Variants in FGD3 observed in about 807,000 individuals in gnomAD.
FGD3 encodes the protein FYVE, RhoGEF and PH domain-containing protein 3.
Under a neutral mutation model 71.8 loss-of-function variants are expected in FGD3, and 45 were observed. That is an observed-to-expected ratio of 0.63 (90% CI 0.49 to 0.80). The LOEUF is 0.80. Among genes scored for constraint, FGD3 ranks in the 30% least tolerant of loss-of-function variants. The probability of loss-of-function intolerance (pLI) is 0.00; values close to 1 mark genes in which losing one functional copy is unlikely to be tolerated. For synonymous variants in FGD3, 378 were observed against 392.8 expected (o/e 0.96, Z 0.44); for missense variants, 844 against 951.5 (o/e 0.89, Z 1.49).
At chr9:93,013,282 C>T (rs1351284693) in intron 8 of FGD3, among the ~76,000 whole-genome samples, 1 of 152,228 alleles carries the variant, frequency 6.6e-6, no homozygotes, top group East Asian at 1.9e-4. Context: ...GACGGGGCTT[C>T]CAAGGCACAG....
At chr9:92,967,860 A>G (rs1214609661) in intron 1 of FGD3, among the ~76,000 whole-genome samples, 1 of 152,206 alleles carries the variant, frequency 6.6e-6, no homozygotes. Context: ...GGCATGAGCC[A>G]CTGCGCCCGG....
intron 1 of FGD3, among the ~76,000 whole-genome samples, chr9:92,968,813 G>A (rs1489685880): frequency 6.6e-6 from 1 of 152,226 alleles, no homozygotes; most frequent in East Asian, 1.9e-4. Flanking sequence ...TATTCATCAG[G>A]CTGGTCTCGA....
intron 6 of FGD3, 78 bp from the exon 7 acceptor site, chr9:93,010,168 T>C: frequency 1.3e-6 from 2 of 1,510,944 alleles, no homozygotes; most frequent in East Asian, 2.3e-5. Flanking sequence ...TTCCTGGGGC[T>C]GTGGTGGCCA....
rs532521115 is a variant in FGD3 at position 92,947,528 on chromosome 9, T to C, written c.-419T>C. On this transcript the variant is annotated 5_prime_UTR_variant, in exon 1 of 18. Coordinates refer to ENST00000375482, the MANE Select transcript of FGD3 (RefSeq NM_001083536.2). ...CTCAGAACCCCAGGGGCTTCAGTCC[T>C]GGGCTGATTGGCGCGGGAAGCACAG... 1 of 152,434 alleles carries C rather than the reference T, an allele frequency of 6.6e-6. No individual in the cohort carries two copies. Among genetic ancestry groups the C allele is most frequent in the East Asian group, 1.9e-4 (1 of 5,172 alleles). 9.4% of individuals were successfully genotyped at this position (152,434 alleles called of 1,614,324 possible). A position where few individuals can be genotyped will look rare whatever the true frequency, so the allele number is the denominator to read the frequency against.
chr9:92,970,481 G>A (rs1431111217), intron 1 of FGD3, among the ~76,000 whole-genome samples: 1 of 152,184 alleles, frequency 6.6e-6, no homozygotes, highest in Non-Finnish European at 1.5e-5. Flanking sequence ...TCAGGAGAGG[G>A]GGTGGTGACC....
chr9:93,001,341 C>A (rs1860850811), intron 3 of FGD3, among the ~76,000 whole-genome samples: 1 of 152,056 alleles, frequency 6.6e-6, no homozygotes, highest in African/African-American at 2.4e-5. Context: ...TTTGATTGGG[C>A]TACATTTTTC....
At chr9:92,999,589 CTTT>C (rs886295047) in intron 3 of FGD3, among the ~76,000 whole-genome samples, 10 of 131,130 alleles carry the variant, frequency 7.6e-5, no homozygotes, top group Admixed American at 1.6e-4. Flanking sequence ...ATCTTGGAAC[CTTT>C]TTTTTTTTTT....
intron 15 of FGD3, 155 bp from the exon 16 acceptor site, chr9:93,032,614 C>T: frequency 1.4e-6 from 1 of 732,348 alleles, no homozygotes; most frequent in East Asian, 2.6e-5. Flanking sequence ...ACAGGGCTCC[C>T]CTCAAGGAGA....
chr9:92,978,018 C>T (rs545505312), intron 3 of FGD3, among the ~76,000 whole-genome samples: 66 of 152,298 alleles, frequency 4.3e-4, no homozygotes, highest in Non-Finnish European at 7.1e-4. Flanking sequence ...CGCGGTGGCT[C>T]ACGCCTATAA....
intron 14 of FGD3, among the ~76,000 whole-genome samples, chr9:93,022,920 G>A (rs1861979305): frequency 6.6e-6 from 1 of 152,174 alleles, no homozygotes; most frequent in Non-Finnish European, 1.5e-5. Context: ...CAAGGGTGCT[G>A]CTCCGGCCAG....
intron 3 of FGD3, among the ~76,000 whole-genome samples, chr9:92,988,685 AC>A (rs1860283922): frequency 6.6e-6 from 1 of 152,232 alleles, no homozygotes; most frequent in Admixed American, 6.5e-5. Flanking sequence ...CCTTGATGTT[AC>A]CATAAACACA....
At chr9:93,017,862 G>T (rs1047491419) in intron 10 of FGD3, among the ~76,000 whole-genome samples, 1 of 151,682 alleles carries the variant, frequency 6.6e-6, no homozygotes, top group Non-Finnish European at 1.5e-5. Flanking sequence ...GCTGGGTGTC[G>T]GGGGGGTGGG....
At chr9:93,030,106 C>G in intron 15 of FGD3, 110 bp downstream of exon 15, 9 of 1,286,514 alleles carry the variant, frequency 7.0e-6, no homozygotes, top group Non-Finnish European at 8.5e-6. Flanking sequence ...CAGCCCTGCA[C>G]GGAAGGGCTT....
At chr9:93,005,655 ATT>A (rs1352675370) in intron 5 of FGD3, among the ~76,000 whole-genome samples, 1 of 152,172 alleles carries the variant, frequency 6.6e-6, no homozygotes, top group Non-Finnish European at 1.5e-5. Context: ...GGATAGAACC[ATT>A]GTTTCTAATC....
intron 1 of FGD3, among the ~76,000 whole-genome samples, chr9:92,955,446 T>G (rs995550327): frequency 1.3e-5 from 2 of 152,018 alleles, no homozygotes; most frequent in African/African-American, 4.8e-5. Flanking sequence ...TGAGGCAGCC[T>G]GGGCAAAGAG....
chr9:92,955,654 G>T (rs777945038), intron 1 of FGD3, among the ~76,000 whole-genome samples: 2 of 152,094 alleles, frequency 1.3e-5, no homozygotes, highest in African/African-American at 4.8e-5. Flanking sequence ...ATCATAGCTC[G>T]GACCTTGACA....
In FGD3 at chr9:93,014,465, T is replaced by C. The variant is rs369998177; in HGVS notation, c.1182+467T>C. Among the ~76,000 whole-genome samples the C allele has an allele frequency of 7.9e-5, 12 of 151,940 alleles. No individual in the cohort carries two copies. The East Asian group carries it at 1.7e-3, about 22-fold the overall frequency. On this transcript the variant is annotated intron_variant, in intron 9 of 17. Transcript: ENST00000375482. ...AGAAACAGATGTGGTTCTTCTTTCC[T>C]CCTCCATTTTCCTCTAGCTTCTGAT...
At chr9:93,008,636 A>C (rs1420770824) in intron 6 of FGD3, among the ~76,000 whole-genome samples, 1 of 152,192 alleles carries the variant, frequency 6.6e-6, no homozygotes, top group Non-Finnish European at 1.5e-5. Context: ...CGTGTCTGTC[A>C]GGACTCTTCA....
At chr9:93,014,063 A>G in intron 9 of FGD3, 65 bp downstream of exon 9, 1 of 1,521,470 alleles carries the variant, frequency 6.6e-7, no homozygotes, top group Non-Finnish European at 8.8e-7. Flanking sequence ...AGCCCAGGGC[A>G]GTGCCAGGAG....
Sources: allele counts gnomAD v4.1 joint callset (sites outside exome capture counted in the v4.1 genomes callset), GRCh38; gene constraint gnomAD v4.1.1; transcripts MANE v1.5; gene names NCBI Gene and HGNC (gene_info 2026-07-23, HGNC 2026-07-21).